Variants in TBC1D2B observed in about 807,000 individuals in gnomAD.
TBC1D2B encodes the protein TBC1 domain family member 2B.
Under a neutral mutation model 100.8 loss-of-function variants are expected in TBC1D2B, and 64 were observed. That is an observed-to-expected ratio of 0.64 (90% CI 0.52 to 0.78). The LOEUF is 0.78. TBC1D2B is among the 30% of genes least tolerant of loss of function. The pLI, the probability that TBC1D2B is intolerant of heterozygous loss-of-function variation, is 0.00. For synonymous variants in TBC1D2B, 480 were observed against 479.7 expected (o/e 1.00, Z -0.01); for missense variants, 1,052 against 1,218.4 (o/e 0.86, Z 2.03).
intron 1 of TBC1D2B, among the ~76,000 whole-genome samples, chr15:78,066,339 T>C (rs1444532715): frequency 6.6e-6 from 1 of 152,208 alleles, no homozygotes; most frequent in Non-Finnish European, 1.5e-5. Flanking sequence ...AGTTTAGTTA[T>C]TTCTAGTCCA....
chr15:78,050,308 C>A (rs1487949245), intron 2 of TBC1D2B, among the ~76,000 whole-genome samples: 1 of 152,224 alleles, frequency 6.6e-6, no homozygotes, highest in Non-Finnish European at 1.5e-5. Flanking sequence ...ACTGTCTTCA[C>A]AATACAATTT....
chr15:78,049,458 G>T (rs1315058412), intron 2 of TBC1D2B, among the ~76,000 whole-genome samples: 1 of 152,154 alleles, frequency 6.6e-6, no homozygotes, highest in Non-Finnish European at 1.5e-5. Context: ...GTTCTTGAGT[G>T]GGTTTATACT....
chr15:78,026,885 G>C (rs2072683086), intron 4 of TBC1D2B, among the ~76,000 whole-genome samples: 1 of 146,986 alleles, frequency 6.8e-6, no homozygotes, highest in Non-Finnish European at 1.5e-5. Flanking sequence ...TAGGCAACAA[G>C]AGCGAATCTC....
At chr15:78,008,694 A>G (rs1303328531) in intron 10 of TBC1D2B, among the ~76,000 whole-genome samples, 1 of 152,232 alleles carries the variant, frequency 6.6e-6, no homozygotes, top group East Asian at 1.9e-4. Flanking sequence ...ATTATGACTC[A>G]GCCCACTGGT....
chr15:78,007,450 G>C (rs2072096928), intron 10 of TBC1D2B, among the ~76,000 whole-genome samples: 1 of 152,184 alleles, frequency 6.6e-6, no homozygotes, highest in Non-Finnish European at 1.5e-5. Context: ...AAATGGTGAC[G>C]ACAGGGATAC....
intron 1 of TBC1D2B, among the ~76,000 whole-genome samples, chr15:78,068,232 C>T (rs2073689736): frequency 6.6e-6 from 1 of 152,078 alleles, no homozygotes; most frequent in Admixed American, 6.5e-5. Flanking sequence ...GTTAACACTA[C>T]AGTTTCTTAA....
chr15:78,021,694 C>T (rs937723555), intron 6 of TBC1D2B, among the ~76,000 whole-genome samples: 3 of 152,222 alleles, frequency 2.0e-5, no homozygotes, highest in Non-Finnish European at 4.4e-5. Context: ...CATCACCTCA[C>T]AATTGTGATA....
At chr15:78,025,803 G>A (rs1039434912) in intron 4 of TBC1D2B, among the ~76,000 whole-genome samples, 2 of 152,134 alleles carry the variant, frequency 1.3e-5, no homozygotes, top group African/African-American at 2.4e-5. Context: ...TGGGATTACA[G>A]GCGTGAGCCA....
At position 78,045,114 on chromosome 15, in the gene TBC1D2B, C is replaced by A. The variant is rs375472766; in HGVS notation, c.515-46G>T. Reference sequence around the variant, plus strand: ...ATGTCAGTTACTCAAAGCTTCCACACGAAACTTGACATCCCACATAAAACA... The same window carrying A: ...ATGTCAGTTACTCAAAGCTTCCACAAGAAACTTGACATCCCACATAAAACA... On this transcript the variant is annotated intron_variant, in intron 2 of 12. Coordinates refer to ENST00000300584, the MANE Select transcript of TBC1D2B (RefSeq NM_144572.2). 2.2e-3 allele frequency: 3,359 copies of A among 1,537,218 alleles called. 5 individuals are homozygous for A. The highest frequency in any genetic ancestry group is 2.6e-3 in the Non-Finnish European group (2,939 of 1,132,926).
intron 2 of TBC1D2B, among the ~76,000 whole-genome samples, chr15:78,051,948 T>C (rs947282725): frequency 1.1e-4 from 17 of 152,230 alleles, no homozygotes; most frequent in African/African-American, 4.1e-4. Flanking sequence ...TTCCTTGTTC[T>C]TCGAAGCTAT....
In TBC1D2B at chr15:78,017,976, AT is replaced by A. The variant is rs2072419934; in HGVS notation, c.1471-20del. On this transcript the variant is annotated intron_variant, in intron 6 of 12. Coordinates refer to ENST00000300584, the MANE Select transcript of TBC1D2B (RefSeq NM_144572.2). ...GATTATCCTGTTAGAAAAAAAAAAAATCCCTGAATTCACATTGGTTGAATAT... is the reference window on the plus strand; with the variant it reads ...GATTATCCTGTTAGAAAAAAAAAAAACCCTGAATTCACATTGGTTGAATAT... 7.8e-7 allele frequency: 1 copy of A among 1,281,302 alleles called. No homozygotes were observed. The highest frequency in any genetic ancestry group is 2.1e-5 in the Admixed American group (1 of 47,880). 79.4% of individuals were successfully genotyped at this position (1,281,302 alleles called of 1,614,324 possible).
chr15:78,051,639 G>A (rs903048949), intron 2 of TBC1D2B, among the ~76,000 whole-genome samples: 1 of 152,236 alleles, frequency 6.6e-6, no homozygotes, highest in Non-Finnish European at 1.5e-5. Context: ...ACAACTGGGT[G>A]ACTACGAGAC....
At chr15:78,005,237 C>G (rs1400094233) in intron 10 of TBC1D2B, among the ~76,000 whole-genome samples, 2 of 152,152 alleles carry the variant, frequency 1.3e-5, no homozygotes, top group Admixed American at 6.5e-5. Context: ...TGTTCAAGCT[C>G]CCTCCTCCAC....
chr15:78,006,192 A>C (rs1393143305), intron 10 of TBC1D2B, among the ~76,000 whole-genome samples: 2 of 152,158 alleles, frequency 1.3e-5, no homozygotes, highest in East Asian at 3.8e-4. Flanking sequence ...ACCTCAATGG[A>C]ATTAAGAAAG....
chr15:78,029,486 G>T (rs1242702963), intron 4 of TBC1D2B, among the ~76,000 whole-genome samples: 1 of 152,206 alleles, frequency 6.6e-6, no homozygotes, highest in Non-Finnish European at 1.5e-5. Context: ...TAAAGAAGTT[G>T]TAGTTATAAT....
intron 3 of TBC1D2B, among the ~76,000 whole-genome samples, chr15:78,031,324 T>TGG (rs1450485612): frequency 1.3e-5 from 2 of 152,010 alleles, no homozygotes; most frequent in Non-Finnish European, 2.9e-5. Flanking sequence ...GAGACTGAGG[T>TGG]GGGCATATCA....
At chr15:78,039,593 A>G (rs1287378064) in intron 3 of TBC1D2B, among the ~76,000 whole-genome samples, 2 of 152,144 alleles carry the variant, frequency 1.3e-5, no homozygotes, top group African/African-American at 4.8e-5. Context: ...CACTTCACCT[A>G]CTGGCTCAAA....
At chr15:78,038,250 G>C (rs1459216011) in intron 3 of TBC1D2B, among the ~76,000 whole-genome samples, 1 of 152,224 alleles carries the variant, frequency 6.6e-6, no homozygotes, top group African/African-American at 2.4e-5. Context: ...GGAGCTCCCA[G>C]CCTTGCAAGA....
intron 4 of TBC1D2B, among the ~76,000 whole-genome samples, chr15:78,027,152 A>G (rs1178986520): frequency 6.6e-6 from 1 of 152,206 alleles, no homozygotes; most frequent in South Asian, 2.1e-4. Flanking sequence ...AAGGGAGCAT[A>G]TAAGTGTGAT....
Sources: allele counts gnomAD v4.1 joint callset (sites outside exome capture counted in the v4.1 genomes callset), GRCh38; gene constraint gnomAD v4.1.1; transcripts MANE v1.5; gene names NCBI Gene and HGNC (gene_info 2026-07-23, HGNC 2026-07-21).